The following TBC1D22B variants were observed in gnomAD, a reference collection of about 807,000 sequenced individuals.
The protein encoded by TBC1D22B is TBC1 domain family member 22B.
Under a neutral mutation model 69.1 loss-of-function variants are expected in TBC1D22B, and 32 were observed. The ratio of observed to expected loss-of-function variants is 0.46; its 90% CI spans 0.35 to 0.62. TBC1D22B has a LOEUF of 0.62. Ranked by LOEUF, TBC1D22B falls within the 20% of genes least tolerant of loss-of-function variation. The pLI is 0.00. For synonymous variants in TBC1D22B, 206 were observed against 229.8 expected (o/e 0.90, Z 0.94); for missense variants, 462 against 630.9 (o/e 0.73, Z 2.87).
chr6:37,298,840 T>C (rs73421961), intron 8 of TBC1D22B, among the ~76,000 whole-genome samples: 4,839 of 152,116 alleles, frequency 0.032, 243 homozygotes, highest in African/African-American at 0.11. Flanking sequence ...CCACCGCGCC[T>C]GGCCTAAGTT....
At chr6:37,293,132 C>T (rs914074962) in intron 8 of TBC1D22B, among the ~76,000 whole-genome samples, 28 of 151,186 alleles carry the variant, frequency 1.9e-4, no homozygotes, top group African/African-American at 6.8e-4. Context: ...GGCTGGAGTG[C>T]AGTGGCGTGA....
intron 12 of TBC1D22B, among the ~76,000 whole-genome samples, chr6:37,322,955 G>C (rs1435149283): frequency 1.3e-5 from 2 of 152,202 alleles, no homozygotes; most frequent in Non-Finnish European, 2.9e-5. Context: ...ACAGAATAAA[G>C]CAACCCATAG....
intron 1 of TBC1D22B, among the ~76,000 whole-genome samples, chr6:37,264,876 GTCTT>G (rs2072243117): frequency 6.6e-6 from 1 of 152,208 alleles, no homozygotes; most frequent in African/African-American, 2.4e-5. Flanking sequence ...GTGGAGATCA[GTCTT>G]TCTTAGAGCT....
intron 7 of TBC1D22B, among the ~76,000 whole-genome samples, chr6:37,287,557 T>C (rs59584013): frequency 0.032 from 4,850 of 152,306 alleles, 243 homozygotes; most frequent in African/African-American, 0.11. Context: ...AACTCTCTTC[T>C]GCAGCCTCCA....
At position 37,331,168 on chromosome 6, in the gene TBC1D22B, G is replaced by T; in HGVS notation, c.1514G>T (p.Arg505Leu). Residue 505 changes from arginine (R) to leucine (L), a missense_variant, in exon 13 of 13, where the codon CGA becomes CTA. This residue lies in a region of TBC1D22B where 225 missense variants were observed against 375.4 expected (regional missense o/e 0.60). Transcript: ENST00000373491. Reference sequence around the variant, plus strand: ...GCCGATGCCCCAAATCACTACCGCCGATAGGTGCTGTCTCCTCCGGGGACC... The same window carrying T: ...GCCGATGCCCCAAATCACTACCGCCTATAGGTGCTGTCTCCTCCGGGGACC... ...MFADAPNHYR[R>L] 6.2e-7 allele frequency: 1 copy of T among 1,614,036 alleles called. No homozygotes were observed. Among genetic ancestry groups the T allele is most frequent in the Non-Finnish European group, 8.5e-7 (1 of 1,179,964 alleles).
chr6:37,263,777 G>C (rs1051887486), intron 1 of TBC1D22B, among the ~76,000 whole-genome samples: 1 of 152,208 alleles, frequency 6.6e-6, no homozygotes, highest in African/African-American at 2.4e-5. Flanking sequence ...GTAGAGATGG[G>C]GTTTCACCAT....
In TBC1D22B at chr6:37,279,562, C is replaced by G; in HGVS notation, c.372C>G (p.Asn124Lys). 6.2e-7 allele frequency: 1 copy of G among 1,614,196 alleles called. No homozygotes were observed. The highest frequency in any genetic ancestry group is 8.5e-7 in the Non-Finnish European group (1 of 1,180,010). ...SQSTTSDVPA[N>K]YKVIKSSSDA... The stretch of plus-strand genomic sequence containing the variant: ...CAACGACATCGGACGTCCCTGCCAA[C>G]TACAAGGTCATAAAGTCCAGCAGTG... The change falls in exon 3 of 13, where the codon AAC (asparagine) becomes AAG (lysine). Residue 124 changes from asparagine (N) to lysine (K), a missense_variant. This residue lies in a region of TBC1D22B where 237 missense variants were observed against 255.4 expected (regional missense o/e 0.93). Transcript: ENST00000373491.
rs772887227 is a variant in TBC1D22B, at chr6:37,282,239, C to A, written c.476C>A (p.Pro159His). Residue 159 changes from proline to histidine, a missense_variant, in exon 4 of 13, where the codon CCC (proline) becomes CAC (histidine). Transcript: ENST00000373491. ...LHKQQSLPLR[P>H]IIPLVARISD... ...AAACAGCAATCACTCCCTCTCCGGCCCATCATCCCCCTCGTTGCCCGGATC... is the reference window on the plus strand; with the variant it reads ...AAACAGCAATCACTCCCTCTCCGGCACATCATCCCCCTCGTTGCCCGGATC... 2 of 1,614,224 alleles carry A rather than the reference C, an allele frequency of 1.2e-6. No homozygotes were observed. The highest frequency in any genetic ancestry group is 3.3e-5 in the Admixed American group (2 of 60,022).
chr6:37,330,039 C>A (rs752401390), intron 12 of TBC1D22B, among the ~76,000 whole-genome samples: 4 of 152,120 alleles, frequency 2.6e-5, no homozygotes, highest in Non-Finnish European at 4.4e-5. Context: ...CAGCTAGGAG[C>A]AGGGTTTGTA....
intron 7 of TBC1D22B, 130 bp from the exon 8 acceptor site, chr6:37,291,113 C>G: frequency 2.9e-6 from 2 of 683,006 alleles, no homozygotes; most frequent in Non-Finnish European, 5.2e-6. Flanking sequence ...CTTCTTTATC[C>G]CACAGTATCT....
At position 37,291,233 on chromosome 6, in the gene TBC1D22B, A is replaced by T. The variant is rs771782939; in HGVS notation, c.868-10A>T. 3 of 1,594,654 alleles carry T rather than the reference A, an allele frequency of 1.9e-6. No individual in the cohort carries two copies. The highest frequency in any genetic ancestry group is 2.6e-6 in the Non-Finnish European group (3 of 1,162,638). On this transcript the variant is annotated splice_polypyrimidine_tract_variant and intron_variant, in intron 7 of 12. Coordinates refer to ENST00000373491, the MANE Select transcript of TBC1D22B (RefSeq NM_017772.4). ...TTTAACACTCGTGTCTTTCTTTCTC[A>T]TTTTCCTAGATCTTTGAAAGAATTC...
chr6:37,331,430 G>A lies in TBC1D22B; in HGVS notation c.*258G>A, dbSNP rs1479740352. ...CAGAAAAGGTGGTACAGGGTTGTCT[G>A]CCCCTTTAAAAGAAACTGGACAAAG... On this transcript the variant is annotated 3_prime_UTR_variant, in exon 13 of 13. Transcript: ENST00000373491. The A allele has an allele frequency of 2.6e-6, 1 of 380,034 alleles. No homozygotes were observed. The highest frequency in any genetic ancestry group is 4.8e-5 in the East Asian group (1 of 20,918). The allele number at this position is 380,034 out of a possible 1,614,324, so 23.5% of individuals were successfully genotyped here. A position where few individuals can be genotyped will look rare whatever the true frequency, so the allele number is the denominator to read the frequency against.
At chr6:37,266,423 G>C (rs1425221777) in intron 1 of TBC1D22B, among the ~76,000 whole-genome samples, 1 of 151,374 alleles carries the variant, frequency 6.6e-6, no homozygotes, top group Non-Finnish European at 1.5e-5. Context: ...TTCAATTAAT[G>C]TCTGAGTTTA....
At chr6:37,269,709 A>G (rs1766421634) in intron 2 of TBC1D22B, 59 bp downstream of exon 2, 13 of 1,523,434 alleles carry the variant, frequency 8.5e-6, no homozygotes, top group East Asian at 2.3e-5. Flanking sequence ...ACCCTCCCCT[A>G]TTTTGTTGAA....
At chr6:37,327,137 T>TG (rs1349260722) in intron 12 of TBC1D22B, among the ~76,000 whole-genome samples, 2 of 151,672 alleles carry the variant, frequency 1.3e-5, no homozygotes, top group African/African-American at 4.8e-5. Context: ...CATGGTGGCA[T>TG]GGGGGTGGGG....
intron 2 of TBC1D22B, 24 bp downstream of exon 2, chr6:37,269,674 A>G (rs1766420020): frequency 6.2e-7 from 1 of 1,611,858 alleles, no homozygotes; most frequent in African/African-American, 1.3e-5. Context: ...TTTTCGTTTT[A>G]TCTATCTACT....
intron 9 of TBC1D22B, among the ~76,000 whole-genome samples, 191 bp downstream of exon 9, chr6:37,313,215 C>T (rs941478160): frequency 1.6e-4 from 24 of 152,108 alleles, no homozygotes; most frequent in African/African-American, 5.3e-4. Context: ...GTGGGTCGGG[C>T]ACGGTGGCTC....
rs188921472 is a variant in TBC1D22B at position 37,325,926 on chromosome 6, A to T, written c.1390-5118A>T. 2.2e-4 allele frequency among the ~76,000 whole-genome samples: 33 copies of T among 152,312 alleles called. No homozygotes were observed. In the East Asian group the frequency reaches 6.0e-3, roughly 28 times the overall value. Reference sequence around the variant, plus strand: ...AGGTGGGGATGTTGCAGTTTTAGGCATAGCCACCAGGTGGCAGAGTGGTTC... The same window carrying T: ...AGGTGGGGATGTTGCAGTTTTAGGCTTAGCCACCAGGTGGCAGAGTGGTTC... On this transcript the variant is annotated intron_variant, in intron 12 of 12. Coordinates refer to ENST00000373491, the MANE Select transcript of TBC1D22B (RefSeq NM_017772.4).
chr6:37,296,756 T>C lies in TBC1D22B; in HGVS notation c.982+5399T>C, dbSNP rs1581604833. Among the ~76,000 whole-genome samples the C allele has an allele frequency of 2.0e-5, 3 of 152,256 alleles. No homozygotes were observed. In the South Asian group the frequency reaches 6.2e-4, roughly 32 times the overall value. On this transcript the variant is annotated intron_variant, in intron 8 of 12. Transcript: ENST00000373491. ...TCATTTTATGCATAAATTTTTTATA[T>C]GTATCTCTGAAAAGTATATATGTAT...
Sources: allele counts gnomAD v4.1 joint callset (sites outside exome capture counted in the v4.1 genomes callset), GRCh38; gene constraint gnomAD v4.1.1; regional missense constraint gnomAD v4.1.1; transcripts MANE v1.5; gene names NCBI Gene and HGNC (gene_info 2026-07-23, HGNC 2026-07-21).